Variants in BTN2A1 observed in about 807,000 individuals in gnomAD.
BTN2A1 encodes butyrophilin subfamily 2 member A1, also known as butyrophilin, subfamily 2, member A1.
In BTN2A1, 41 loss-of-function variants were observed where a neutral mutation model predicts 34.5. That is an observed-to-expected ratio of 1.19 (90% CI 0.93 to 1.54). BTN2A1 has a LOEUF of 1.54. Among genes scored for constraint, BTN2A1 ranks in the 40% most tolerant of loss-of-function variants. BTN2A1 has a pLI of 0.00. For synonymous variants in BTN2A1, 267 were observed against 258.6 expected, an observed-to-expected ratio of 1.03 and a Z score of -0.31; for missense variants, 642 against 662.0, an observed-to-expected ratio of 0.97 and a Z score of 0.33.
chr6:26,470,676 C>CTCTCTCTG (rs1763434091), downstream of BTN2A1, among the ~76,000 whole-genome samples: 1 of 152,058 alleles, frequency 6.6e-6, no homozygotes, highest in Admixed American at 6.5e-5. Flanking sequence ...AATTCTCTCT[C>CTCTCTCTG]TCTCTCTGTC....
At chr6:26,458,539 G>T in intron 1 of BTN2A1, 68 bp from the exon 2 acceptor site, 2 of 1,280,264 alleles carry the variant, frequency 1.6e-6, no homozygotes, top group South Asian at 2.4e-5. Context: ...TTGAGTGACG[G>T]GAGAGGTTGG....
chr6:26,471,663 A>AAAGAAAGG (rs528031257), downstream of BTN2A1, among the ~76,000 whole-genome samples: 468 of 151,610 alleles, frequency 3.1e-3, 1 homozygote, highest in African/African-American at 9.1e-3. Flanking sequence ...GGAAGGAAGG[A>AAAGAAAGG]AAGGAAGGAA....
intron 2 of BTN2A1, 113 bp from the exon 3 acceptor site, chr6:26,459,367 GA>G: frequency 8.4e-7 from 1 of 1,189,740 alleles, no homozygotes; most frequent in Non-Finnish European, 1.2e-6. Context: ...TCAGCCCAAA[GA>G]GACCCTATGG....
chr6:26,476,418 A>G, exon 8 of BTN2A1: 1 of 696,336 alleles, frequency 1.4e-6, no homozygotes, highest in South Asian at 1.4e-5. Flanking sequence ...ATGTCTGCTC[A>G]CCCTCATTCT....
At chr6:26,464,152 A>T (rs766053024) in intron 4 of BTN2A1, among the ~76,000 whole-genome samples, 5 of 152,156 alleles carry the variant, frequency 3.3e-5, no homozygotes, top group Non-Finnish European at 7.4e-5. Flanking sequence ...GGTGGTGTGG[A>T]TAAGTGACTC....
downstream of BTN2A1, among the ~76,000 whole-genome samples, chr6:26,473,972 T>C (rs941449132): frequency 1.4e-5 from 2 of 147,028 alleles, no homozygotes; most frequent in African/African-American, 5.1e-5. Flanking sequence ...AAGAGGATTC[T>C]CTTAGTGTTT....
chr6:26,459,267 A>C (rs959212967), intron 2 of BTN2A1, among the ~76,000 whole-genome samples: 1 of 152,186 alleles, frequency 6.6e-6, no homozygotes, highest in Non-Finnish European at 1.5e-5. Context: ...CAGGTTCCTC[A>C]GGGTTTCCTT....
At chr6:26,460,849 G>T (rs979165226) in intron 3 of BTN2A1, among the ~76,000 whole-genome samples, 2 of 152,144 alleles carry the variant, frequency 1.3e-5, no homozygotes, top group Admixed American at 1.3e-4. Context: ...GGCAGAGGTT[G>T]CAGGGAGCCG....
chr6:26,458,749 C>T lies in BTN2A1; in HGVS notation c.82+31C>T, dbSNP rs769724341. On this transcript the variant is annotated intron_variant, in intron 2 of 7. Transcript: ENST00000312541. ...GATGTGTGCCACTTGCTGCTGTCACCTATCAGAAAGGAACATCAACCCTGT... is the reference window on the plus strand; with the variant it reads ...GATGTGTGCCACTTGCTGCTGTCACTTATCAGAAAGGAACATCAACCCTGT... 3.1e-6 allele frequency: 5 copies of T among 1,609,018 alleles called. No homozygotes were observed. In the South Asian group the frequency reaches 5.5e-5, roughly 18 times the overall value.
chr6:26,458,778 C>T (rs1763080504), intron 2 of BTN2A1, 60 bp downstream of exon 2: 2 of 1,580,804 alleles, frequency 1.3e-6, no homozygotes, highest in Non-Finnish European at 1.7e-6. Flanking sequence ...ACCCTGTAGT[C>T]TGCAAAGGGA....
downstream of BTN2A1, among the ~76,000 whole-genome samples, chr6:26,474,060 G>A (rs1408166221): frequency 6.6e-6 from 1 of 152,184 alleles, no homozygotes; most frequent in African/African-American, 2.4e-5. Flanking sequence ...AGAAATAATT[G>A]TGTTAAATTA....
chr6:26,476,008 T>C (rs1288936387), intron 7 of BTN2A1: 8 of 892,478 alleles, frequency 9.0e-6, no homozygotes, highest in Middle Eastern at 2.5e-4. Context: ...TGAAAGTAAA[T>C]AACATATTAT....
At chr6:26,471,455 C>T (rs1488751175), downstream of BTN2A1, among the ~76,000 whole-genome samples, 5 of 152,222 alleles carry the variant, frequency 3.3e-5, no homozygotes, top group Admixed American at 1.3e-4. Context: ...GGGCCGGGCA[C>T]GGTGGCTCAC....
At chr6:26,471,200 G>C (rs974935050), downstream of BTN2A1, among the ~76,000 whole-genome samples, 1 of 152,106 alleles carries the variant, frequency 6.6e-6, no homozygotes, top group Non-Finnish European at 1.5e-5. Context: ...CAGAAAACAG[G>C]GTTGTTTATG....
chr6:26,467,716 T>G (rs1297211704), intron 7 of BTN2A1: 1 of 1,590,398 alleles, frequency 6.3e-7, no homozygotes, highest in Admixed American at 1.8e-5. Flanking sequence ...CCGGATTTCT[T>G]AGAGCTCCAA....
intron 4 of BTN2A1, 150 bp downstream of exon 4, chr6:26,463,675 C>T (rs1763235124): frequency 1.1e-6 from 1 of 947,162 alleles, no homozygotes; most frequent in Non-Finnish European, 1.6e-6. Flanking sequence ...AGCCTTTCCG[C>T]TTCTCACAAA....
intron 3 of BTN2A1, chr6:26,462,781 C>G (rs1356008830): frequency 1.6e-6 from 2 of 1,283,350 alleles, no homozygotes; most frequent in Admixed American, 4.6e-5. Flanking sequence ...TTTCGTCCTT[C>G]TCGTTATTAT....
intron 3 of BTN2A1, chr6:26,462,996 A>G (rs979125347): frequency 3.1e-5 from 32 of 1,040,076 alleles, no homozygotes; most frequent in Non-Finnish European, 4.1e-5. Context: ...ACCGCAAAGA[A>G]AAGGGTGCAA....
chr6:26,458,662 T>A lies in BTN2A1; in HGVS notation c.26T>A (p.Phe9Tyr). 6.2e-7 allele frequency: 1 copy of A among 1,614,030 alleles called. No individual in the cohort carries two copies. Among genetic ancestry groups the A allele is most frequent in the Non-Finnish European group, 8.5e-7 (1 of 1,179,990 alleles). ...ATGGAATCAGCTGCTGCCCTGCACT[T>A]CTCCCGGCCAGCCTCCCTCCTCCTC... MESAAALH[F>Y]SRPASLLLLL... The change falls in exon 2 of 8, where the codon TTC becomes TAC. Residue 9 changes from phenylalanine to tyrosine, a missense_variant. Physicochemically the swap from Phe to Tyr is conservative, Grantham distance 22. Transcript: ENST00000312541.
Sources: gnomAD v4.1 joint callset for allele counts (sites outside exome capture counted in the v4.1 genomes callset) on GRCh38, gnomAD v4.1.1 for gene constraint, MANE v1.5 for transcripts, NCBI Gene and HGNC (gene_info 2026-07-23, HGNC 2026-07-21) for gene names.